PLXDC1: variants seen among roughly 807,000 people sequenced by gnomAD.
The protein encoded by PLXDC1 is plexin domain containing 1.
In PLXDC1, 39 loss-of-function variants were observed where a neutral mutation model predicts 61.3. The ratio of observed to expected loss-of-function variants is 0.64; its 90% CI spans 0.49 to 0.83. The LOEUF is 0.83. Ranked by LOEUF, PLXDC1 falls within the 40% of genes least tolerant of loss-of-function variation. The probability of loss-of-function intolerance (pLI) is 0.00; values close to 1 mark genes in which losing one functional copy is unlikely to be tolerated. For missense variants in PLXDC1, 596 were observed against 666.5 expected (o/e 0.89, Z 1.17); for synonymous variants, 212 against 254.5 (o/e 0.83, Z 1.59).
At chr17:39,129,639 A>AAGAG (rs142405651) in intron 2 of PLXDC1, among the ~76,000 whole-genome samples, 1 of 140,002 alleles carries the variant, frequency 7.1e-6, no homozygotes, top group Non-Finnish European at 1.5e-5. Context: ...AAAAGAAAGA[A>AAGAG]AGAGAGAGAG....
chr17:39,151,345 G>T lies in PLXDC1; in HGVS notation c.76+17C>A. 7.9e-7 allele frequency: 1 copy of T among 1,273,336 alleles called. No homozygotes were observed. 78.9% of individuals were successfully genotyped at this position (1,273,336 alleles called of 1,614,324 possible). On this transcript the variant is annotated intron_variant, in intron 1 of 13. Transcript: ENST00000315392. The surrounding 1 kb of genome is among the most constrained non-coding windows in gnomAD (Gnocchi z 5.2). ...CCCCGCCCCCGGCCCACCCGGGCCG[G>T]CTCCCGCCAGTCCTACCTGCTCCGG...
Position 39,067,828 on chromosome 17 carries a change from G to A in PLXDC1, c.*12C>T, listed in dbSNP as rs760991927. On this transcript the variant is annotated 3_prime_UTR_variant, in exon 14 of 14. Transcript: ENST00000315392. ...GTGGCCTCAAAGTCTTCAAAGGGGA[G>A]ACTTGGTGTTCTCAGCACTGCTCAG... The A allele has an allele frequency of 6.2e-7, 1 of 1,607,180 alleles. No homozygotes were observed. The highest frequency in any genetic ancestry group is 1.1e-5 in the South Asian group (1 of 90,600).
chr17:39,151,260 C>G lies in PLXDC1; in HGVS notation c.76+102G>C, dbSNP rs1185489059. 2.2e-6 allele frequency: 2 copies of G among 894,534 alleles called. No individual in the cohort carries two copies. Among genetic ancestry groups the G allele is most frequent in the African/African-American group, 1.7e-5 (1 of 57,650 alleles). 55.4% of individuals were successfully genotyped at this position (894,534 alleles called of 1,614,324 possible). ...CTGGCCTCCTGCGGACAATGCCCCC[C>G]TCGCGGACATCGCCAGGCCGTCCAC... On this transcript the variant is annotated intron_variant, in intron 1 of 13. Transcript: ENST00000315392. The surrounding 1 kb of genome is among the most constrained non-coding windows in gnomAD (Gnocchi z 5.2).
At chr17:39,087,564 A>T in intron 8 of PLXDC1, 43 bp downstream of exon 8, 2 of 1,457,662 alleles carry the variant, frequency 1.4e-6, no homozygotes, top group Non-Finnish European at 1.9e-6. Context: ...AGTCTGCTTG[A>T]CTCCAGAGCT....
chr17:39,106,948 G>A (rs1391599621), intron 6 of PLXDC1, among the ~76,000 whole-genome samples: 1 of 151,692 alleles, frequency 6.6e-6, no homozygotes, highest in East Asian at 1.9e-4. Context: ...CACCGCACCT[G>A]GCCCATGCTG....
chr17:39,107,897 C>T lies in PLXDC1; in HGVS notation c.592+226G>A, dbSNP rs568839793. The T allele has an allele frequency of 3.5e-4, 210 of 592,180 alleles. 1 individual carries two copies. The highest frequency in any genetic ancestry group is 3.4e-3 in the Middle Eastern group (8 of 2,384). The allele number at this position is 592,180 out of a possible 1,614,324, so 36.7% of individuals were successfully genotyped here. On this transcript the variant is annotated intron_variant, in intron 5 of 13. Transcript: ENST00000315392. ...AAGGCCCCTAACATTTATTTTACCT[C>T]GACTAAGAGCCAAGCACTGTCGTTT...
intron 2 of PLXDC1, among the ~76,000 whole-genome samples, chr17:39,135,743 C>G (rs1018954872): frequency 6.6e-6 from 1 of 151,504 alleles, no homozygotes; most frequent in African/African-American, 2.4e-5. Context: ...TAAATCTCTG[C>G]AACTTCGCCA....
intron 8 of PLXDC1, 91 bp downstream of exon 8, chr17:39,087,516 C>T: frequency 2.0e-6 from 2 of 1,013,476 alleles, no homozygotes; most frequent in Non-Finnish European, 3.1e-6. Context: ...GGTGGCTGCA[C>T]AAAACAGGAG....
At chr17:39,149,057 G>A (rs2045358096) in intron 1 of PLXDC1, among the ~76,000 whole-genome samples, 1 of 152,070 alleles carries the variant, frequency 6.6e-6, no homozygotes, top group Non-Finnish European at 1.5e-5. Context: ...CTGGGCCCCT[G>A]CTCTGCACCC....
intron 2 of PLXDC1, among the ~76,000 whole-genome samples, chr17:39,134,876 C>T (rs1004126576): frequency 2.6e-5 from 4 of 151,900 alleles, no homozygotes; most frequent in African/African-American, 9.7e-5. Context: ...CCCGCAGGAC[C>T]CCCAGAGCCC....
intron 2 of PLXDC1, among the ~76,000 whole-genome samples, chr17:39,110,674 C>G (rs1910766202): frequency 6.6e-6 from 1 of 152,206 alleles, no homozygotes; most frequent in Admixed American, 6.5e-5. Context: ...GCGGCAGACA[C>G]AGCAGAGTAA....
At chr17:39,102,858 G>T (rs2143631429) in intron 7 of PLXDC1, among the ~76,000 whole-genome samples, 1 of 152,150 alleles carries the variant, frequency 6.6e-6, no homozygotes, top group East Asian at 1.9e-4. Flanking sequence ...TTCAGGGGCA[G>T]GTGAAAAACC....
chr17:39,106,648 C>CTT (rs199666120), intron 6 of PLXDC1, among the ~76,000 whole-genome samples: 9,107 of 122,364 alleles, frequency 0.074, 754 homozygotes, highest in Middle Eastern at 0.18. Context: ...TTTTCTTTTT[C>CTT]TTTCTTTTTT....
intron 7 of PLXDC1, among the ~76,000 whole-genome samples, chr17:39,094,998 A>G (rs1241921000): frequency 6.6e-6 from 1 of 152,190 alleles, no homozygotes; most frequent in Non-Finnish European, 1.5e-5. Context: ...GGGCACAGAT[A>G]GAGACTCAGA....
intron 7 of PLXDC1, 61 bp downstream of exon 7, chr17:39,105,793 G>A: frequency 9.5e-7 from 1 of 1,056,848 alleles, no homozygotes. Flanking sequence ...CAGCAGCTCA[G>A]GTTCAGTCTG....
At chr17:39,083,094 T>A (rs1909619775) in intron 9 of PLXDC1, among the ~76,000 whole-genome samples, 1 of 152,196 alleles carries the variant, frequency 6.6e-6, no homozygotes, top group Non-Finnish European at 1.5e-5. Context: ...GATGTTAAAA[T>A]GCAGCTTCCT....
At chr17:39,104,901 A>G (rs1910541269) in intron 7 of PLXDC1, among the ~76,000 whole-genome samples, 1 of 152,302 alleles carries the variant, frequency 6.6e-6, no homozygotes, top group Non-Finnish European at 1.5e-5. Context: ...AACTCAGAAC[A>G]CGTGTACTGA....
chr17:39,101,007 C>G (rs1431818258), intron 7 of PLXDC1, among the ~76,000 whole-genome samples: 1 of 152,190 alleles, frequency 6.6e-6, no homozygotes, highest in Non-Finnish European at 1.5e-5. Flanking sequence ...GATCTAATAT[C>G]TAGGGTTGGA....
At chr17:39,088,757 A>G (rs1048298882) in intron 7 of PLXDC1, among the ~76,000 whole-genome samples, 6 of 151,848 alleles carry the variant, frequency 4.0e-5, no homozygotes, top group Admixed American at 1.3e-4. Flanking sequence ...CCTGGCCAAC[A>G]GGGTTTTTAG....
Sources: gnomAD v4.1 joint callset for allele counts (sites outside exome capture counted in the v4.1 genomes callset) on GRCh38, gnomAD v4.1.1 for gene constraint, Gnocchi (gnomAD v3.1) non-coding constraint, MANE v1.5 for transcripts, NCBI Gene and HGNC (gene_info 2026-07-23, HGNC 2026-07-21) for gene names.